Variants in SGCD observed in about 807,000 individuals in gnomAD.
SGCD encodes delta-sarcoglycan.
SGCD carries 18 observed loss-of-function variants against 36.6 expected under a neutral mutation model. The observed-to-expected ratio is 0.49, with a 90% CI of 0.34 to 0.73. The LOEUF is 0.73. SGCD is among the 30% of genes least tolerant of loss of function. The pLI is 0.01. For synonymous variants in SGCD, 133 were observed against 130.6 expected (o/e 1.02, Z -0.12); for missense variants, 387 against 346.7 (o/e 1.12, Z -0.92).
At chr5:155,737,712 G>A in the SGCD span, among the ~76,000 whole-genome samples, 3 of 152,166 alleles carry the variant, frequency 2.0e-5, no homozygotes, top group East Asian at 1.9e-4. Flanking sequence ...TCATGCCTGC[G>A]AGTGAGAGCA....
intron 3 of SGCD, among the ~76,000 whole-genome samples, chr5:156,232,811 A>G (rs1561576605): frequency 2.0e-5 from 3 of 152,204 alleles, no homozygotes; most frequent in Admixed American, 1.3e-4. Context: ...ATTGAGTAAT[A>G]TAGTCTAGAG....
At chr5:156,308,861 C>T (rs1767310506) in intron 3 of SGCD, among the ~76,000 whole-genome samples, 1 of 152,112 alleles carries the variant, frequency 6.6e-6, no homozygotes, top group Admixed American at 6.5e-5. Context: ...TGAAATTGCT[C>T]AGCTTTTCTT....
chr5:156,504,392 G>GTATATATATATA (rs59580975), intron 3 of SGCD, among the ~76,000 whole-genome samples: 375 of 74,984 alleles, frequency 5.0e-3, no homozygotes, highest in Non-Finnish European at 6.5e-3. Context: ...GTGTGTGTGT[G>GTATATATATATA]TATATATATA....
intron 3 of SGCD, among the ~76,000 whole-genome samples, chr5:156,406,018 T>TAAAAAAAAAAAAAAAAAAATAAAAA (rs10529406): frequency 9.6e-6 from 1 of 103,984 alleles, no homozygotes; most frequent in Non-Finnish European, 1.8e-5. Flanking sequence ...TATCTTTGCT[T>TAAAAAAAAAAAAAAAAAAATAAAAA]AAAAAAAAAA....
chr5:156,653,493 C>CTTTTTTCTTTTTTTTTTTTTT (rs1763546153), intron 7 of SGCD, among the ~76,000 whole-genome samples: 1 of 48,082 alleles, frequency 2.1e-5, no homozygotes. Flanking sequence ...CTAAAGCTTG[C>CTTTTTTCTTTTTTTTTTTTTT]TTTTTTTTTT....
intron 1 of SGCD, among the ~76,000 whole-genome samples, chr5:156,111,946 T>C (rs903679715): frequency 1.3e-5 from 2 of 152,044 alleles, no homozygotes; most frequent in East Asian, 3.9e-4. Flanking sequence ...GCCCAGCTAG[T>C]TTTTGTATTT....
chr5:156,391,438 T>C lies in SGCD; in HGVS notation c.192+46761T>C, dbSNP rs75039837. On this transcript the variant is annotated intron_variant, in intron 3 of 8. Transcript: ENST00000337851. The stretch of plus-strand genomic sequence containing the variant: ...TCTGTATCTGTGGGTTTCCCGTCTG[T>C]GTATTCAATCAACCACAGATAGAAA... Among the ~76,000 whole-genome samples the C allele has an allele frequency of 9.5e-3, 1,452 of 152,272 alleles. 28 individuals are homozygous for C. The highest frequency in any genetic ancestry group is 0.033 in the African/African-American group (1,384 of 41,564).
intron 3 of SGCD, among the ~76,000 whole-genome samples, chr5:156,230,685 C>T (rs757864855): frequency 6.6e-6 from 1 of 152,204 alleles, no homozygotes; most frequent in Admixed American, 6.5e-5. Context: ...ATTCTCGATG[C>T]GAACCTCCAC....
At chr5:156,277,518 A>G (rs946028140) in intron 3 of SGCD, among the ~76,000 whole-genome samples, 1 of 152,198 alleles carries the variant, frequency 6.6e-6, no homozygotes, top group Admixed American at 6.5e-5. Flanking sequence ...AGTATTGACC[A>G]CAGCATAATA....
At chr5:156,578,789 T>C (rs990114299) in intron 4 of SGCD, among the ~76,000 whole-genome samples, 2 of 152,226 alleles carry the variant, frequency 1.3e-5, no homozygotes, top group African/African-American at 4.8e-5. Context: ...ATTGCATCTA[T>C]TTGAGTCTTC....
At chr5:155,931,741 G>A (rs937946603) in intron 1 of SGCD, among the ~76,000 whole-genome samples, 14 of 152,190 alleles carry the variant, frequency 9.2e-5, no homozygotes, top group African/African-American at 3.4e-4. Context: ...GAAAGCCCGA[G>A]TTCGGATTTG....
intron 4 of SGCD, among the ~76,000 whole-genome samples, chr5:156,545,202 G>A (rs1380736667): frequency 6.6e-6 from 1 of 151,984 alleles, no homozygotes; most frequent in African/African-American, 2.4e-5. Context: ...TAATATGGAG[G>A]GGCAGTAGTT....
intron 3 of SGCD, among the ~76,000 whole-genome samples, chr5:156,229,297 T>TATATATATAA (rs1554085621): frequency 8.3e-6 from 1 of 119,880 alleles, no homozygotes; most frequent in African/African-American, 3.2e-5. Context: ...TATATATATA[T>TATATATATAA]ATAAAATTAG....
chr5:156,205,054 A>G (rs1764242188), intron 3 of SGCD, among the ~76,000 whole-genome samples: 1 of 152,112 alleles, frequency 6.6e-6, no homozygotes, highest in Admixed American at 6.6e-5. Context: ...CTGTTTTTCT[A>G]TAATAGCATA....
At chr5:156,533,110 T>A (rs540282608) in intron 4 of SGCD, among the ~76,000 whole-genome samples, 1 of 152,176 alleles carries the variant, frequency 6.6e-6, no homozygotes, top group East Asian at 1.9e-4. Flanking sequence ...GCAGGACGCT[T>A]GCCAGTTTCA....
At chr5:156,151,571 T>C (rs1453656510) in intron 3 of SGCD, among the ~76,000 whole-genome samples, 2 of 151,592 alleles carry the variant, frequency 1.3e-5, no homozygotes, top group Admixed American at 1.3e-4. Context: ...TTTCTATTAA[T>C]TACTTCCTGG....
intron 1 of SGCD, among the ~76,000 whole-genome samples, chr5:155,930,199 T>C (rs1356093090): frequency 6.6e-6 from 1 of 152,204 alleles, no homozygotes; most frequent in African/African-American, 2.4e-5. Context: ...TCTCTAACAG[T>C]GTATTAACTG....
intron 7 of SGCD, among the ~76,000 whole-genome samples, chr5:156,740,153 A>T (rs148368255): frequency 6.6e-6 from 1 of 152,244 alleles, no homozygotes; most frequent in East Asian, 1.9e-4. Flanking sequence ...GGAGTTGAAC[A>T]TGATGGTAGC....
intron 6 of SGCD, among the ~76,000 whole-genome samples, chr5:156,643,312 G>A (rs1763108872): frequency 6.6e-6 from 1 of 152,218 alleles, no homozygotes; most frequent in East Asian, 1.9e-4. Flanking sequence ...GATTACAGGT[G>A]TGAGCCACCT....
Sources: allele counts gnomAD v4.1 joint callset (sites outside exome capture counted in the v4.1 genomes callset), GRCh38; gene constraint gnomAD v4.1.1; transcripts MANE v1.5; gene names NCBI Gene and HGNC (gene_info 2026-07-23, HGNC 2026-07-21).